DGKH: variants seen among roughly 807,000 people sequenced by gnomAD.
DGKH encodes the protein diacylglycerol kinase eta.
Under a neutral mutation model 159.3 loss-of-function variants are expected in DGKH, and 90 were observed. The observed-to-expected ratio is 0.57, with a 90% CI of 0.48 to 0.67. The LOEUF (loss-of-function observed/expected upper bound fraction) is 0.67, where lower values mean the gene tolerates loss of function less well. Ranked by LOEUF, DGKH falls within the 30% of genes least tolerant of loss-of-function variation. DGKH has a pLI of 0.00. For missense variants in DGKH, 1,181 were observed against 1,506.1 expected (o/e 0.78, Z 3.57); for synonymous variants, 536 against 553.8 (o/e 0.97, Z 0.45).
intron 3 of DGKH, among the ~76,000 whole-genome samples, chr13:42,135,441 G>A (rs1955381196): frequency 7.5e-6 from 1 of 132,986 alleles, no homozygotes; most frequent in South Asian, 2.5e-4. Context: ...AGTAAGCCAA[G>A]ATCGCACCAC....
intron 1 of DGKH, among the ~76,000 whole-genome samples, chr13:42,112,427 G>A (rs1954881032): frequency 6.6e-6 from 1 of 152,080 alleles, no homozygotes; most frequent in Non-Finnish European, 1.5e-5. Flanking sequence ...GACTACAAGA[G>A]TGAGCCACGA....
In DGKH at chr13:42,236,690, C is replaced by G. The variant is rs1958419124; in HGVS notation, c.*7502C>G. 1 of 152,114 alleles carries G rather than the reference C, an allele frequency of 6.6e-6. No homozygotes were observed. Among genetic ancestry groups the G allele is most frequent in the Non-Finnish European group, 1.5e-5 (1 of 68,056 alleles). 9.4% of individuals were successfully genotyped at this position (152,114 alleles called of 1,614,324 possible). ...CCTGTAATCCCAGCACTTTGGAAAG[C>G]CGAGGGAGGTAGATCACCTGAGGTC... On this transcript the variant is annotated 3_prime_UTR_variant, in exon 30 of 30. Coordinates refer to ENST00000337343, the MANE Select transcript of DGKH (RefSeq NM_178009.5).
intron 1 of DGKH, among the ~76,000 whole-genome samples, chr13:42,107,392 AGG>A (rs1476052985): frequency 6.6e-6 from 1 of 152,208 alleles, no homozygotes; most frequent in African/African-American, 2.4e-5. Context: ...ATGTTTCAAG[AGG>A]GTGAAGCTGT....
intron 1 of DGKH, among the ~76,000 whole-genome samples, chr13:42,099,200 G>T (rs9532998): frequency 0.15 from 22,202 of 152,108 alleles, 1,774 homozygotes; most frequent in South Asian, 0.18. Flanking sequence ...ATTTCATCCT[G>T]TCCTGCTTGT....
At chr13:42,150,205 A>T (rs1955841165) in intron 3 of DGKH, among the ~76,000 whole-genome samples, 1 of 151,560 alleles carries the variant, frequency 6.6e-6, no homozygotes, top group African/African-American at 2.4e-5. Flanking sequence ...CTTTCTTTCC[A>T]TATCTTAACC....
Position 42,215,687 on chromosome 13 carries a change from G to A in DGKH, c.3213+20G>A. 7 of 1,586,408 alleles carry A rather than the reference G, an allele frequency of 4.4e-6. No individual in the cohort carries two copies. The highest frequency in any genetic ancestry group is 6.0e-6 in the Non-Finnish European group (7 of 1,158,918). ...CCTTTGGTAAGGAAAAGAATGACTGGTAACATAAGAATGATGAATTAAATG... is the reference window on the plus strand; with the variant it reads ...CCTTTGGTAAGGAAAAGAATGACTGATAACATAAGAATGATGAATTAAATG... On this transcript the variant is annotated intron_variant, in intron 26 of 29. Coordinates refer to ENST00000337343, the MANE Select transcript of DGKH (RefSeq NM_178009.5).
intron 1 of DGKH, among the ~76,000 whole-genome samples, chr13:42,105,251 C>CAGAG (rs148615882): frequency 1.3e-5 from 2 of 149,154 alleles, no homozygotes; most frequent in African/African-American, 2.5e-5. Flanking sequence ...AAGAGAGGGC[C>CAGAG]AGAGAGAGAG....
chr13:42,220,373 G>A (rs1341666609), intron 28 of DGKH, among the ~76,000 whole-genome samples: 3 of 152,078 alleles, frequency 2.0e-5, no homozygotes, highest in South Asian at 2.1e-4. Flanking sequence ...CCCCCTCTTC[G>A]CTGCTATTTC....
chr13:42,056,447 A>G (rs1356800565), intron 1 of DGKH, among the ~76,000 whole-genome samples: 1 of 152,226 alleles, frequency 6.6e-6, no homozygotes, highest in East Asian at 1.9e-4. Context: ...TTTAAATACA[A>G]GCTTGGTGCA....
intron 1 of DGKH, among the ~76,000 whole-genome samples, chr13:42,060,442 G>T (rs527709275): frequency 1.3e-5 from 2 of 152,068 alleles, no homozygotes; most frequent in African/African-American, 4.8e-5. Context: ...TCCTGTAGGG[G>T]GTCCCCTAGC....
At position 42,071,037 on chromosome 13, in the gene DGKH, C is replaced by T. The variant is rs938832609; in HGVS notation, c.192+22072C>T. 3.9e-5 allele frequency: 49 copies of T among 1,252,934 alleles called. No individual in the cohort carries two copies. In the African/African-American group the frequency reaches 5.1e-4, roughly 13 times the overall value. 77.6% of individuals were successfully genotyped at this position (1,252,934 alleles called of 1,614,324 possible). ...AACCCAGTGGTTTTAAGTCCATATA[C>T]GTAGAATCCAGATCAAAACCATGAA... On this transcript the variant is annotated intron_variant, in intron 1 of 29. Transcript: ENST00000337343.
intron 23 of DGKH, among the ~76,000 whole-genome samples, chr13:42,209,668 G>A (rs1447999063): frequency 4.6e-5 from 7 of 152,054 alleles, no homozygotes; most frequent in Non-Finnish European, 8.8e-5. Context: ...AGAAAAACTG[G>A]GCAGAAAGTA....
intron 1 of DGKH, chr13:42,066,127 C>G (rs1019100219): frequency 6.6e-6 from 1 of 152,262 alleles, no homozygotes; most frequent in African/African-American, 2.4e-5. Context: ...CACTTCTGAG[C>G]TCAAGTGATC....
rs182679764 is a variant in DGKH at position 42,097,953 on chromosome 13, T to A, written c.193-29510T>A. On this transcript the variant is annotated intron_variant, in intron 1 of 29. Coordinates refer to ENST00000337343, the MANE Select transcript of DGKH (RefSeq NM_178009.5). ...TCAAGTGAGTTGATTTTCAACCCTA[T>A]ATCTGTCTTCTGGTTGTGCTAAGTC... Among the ~76,000 whole-genome samples the A allele has an allele frequency of 1.4e-4, 21 of 152,374 alleles. No homozygotes were observed. The East Asian group carries it at 3.5e-3, about 25-fold the overall frequency.
chr13:42,140,191 T>A (rs1955508084), intron 3 of DGKH, among the ~76,000 whole-genome samples: 1 of 152,204 alleles, frequency 6.6e-6, no homozygotes, highest in Non-Finnish European at 1.5e-5. Flanking sequence ...CTAGGTGGCC[T>A]TTAGCCTTTG....
Position 42,235,548 on chromosome 13 carries a change from G to T in DGKH, c.*6360G>T, listed in dbSNP as rs1048364639. Reference sequence around the variant, plus strand: ...CATATACAAACTAAAAAAGGAAAAAGAATATATTTTGTGGTCCTTAATGTT... The same window carrying T: ...CATATACAAACTAAAAAAGGAAAAATAATATATTTTGTGGTCCTTAATGTT... On this transcript the variant is annotated 3_prime_UTR_variant, in exon 30 of 30. Coordinates refer to ENST00000337343, the MANE Select transcript of DGKH (RefSeq NM_178009.5). The T allele has an allele frequency of 4.6e-5, 7 of 152,130 alleles. No individual in the cohort carries two copies. The highest frequency in any genetic ancestry group is 1.7e-4 in the African/African-American group (7 of 41,458). 9.4% of individuals were successfully genotyped at this position (152,130 alleles called of 1,614,324 possible). A position where few individuals can be genotyped will look rare whatever the true frequency, so the allele number is the denominator to read the frequency against.
In DGKH at chr13:42,149,319, C is replaced by T. The variant is rs78451557; in HGVS notation, c.385-5972C>T. Reference sequence around the variant, plus strand: ...GTTAGTTTCCCCTTCACTGTGTTCTCATTGCACCCCAGATGTTGAAAGCAT... The same window carrying T: ...GTTAGTTTCCCCTTCACTGTGTTCTTATTGCACCCCAGATGTTGAAAGCAT... On this transcript the variant is annotated intron_variant, in intron 3 of 29. Coordinates refer to ENST00000337343, the MANE Select transcript of DGKH (RefSeq NM_178009.5). Among the ~76,000 whole-genome samples the T allele has an allele frequency of 8.2e-3, 1,256 of 152,276 alleles. 19 individuals are homozygous for T. Among genetic ancestry groups the T allele is most frequent in the African/African-American group, 0.028 (1,173 of 41,548 alleles).
intron 24 of DGKH, among the ~76,000 whole-genome samples, chr13:42,212,040 G>A (rs888203704): frequency 2.6e-5 from 4 of 152,122 alleles, no homozygotes; most frequent in African/African-American, 7.2e-5. Context: ...CATATTGAGT[G>A]CTCTGTGTAT....
chr13:42,078,303 T>G (rs925107129), intron 1 of DGKH, among the ~76,000 whole-genome samples: 8 of 152,180 alleles, frequency 5.3e-5, no homozygotes, highest in African/African-American at 1.9e-4. Context: ...AAGTGTTAAG[T>G]TGCCATCTAG....
Sources: allele counts gnomAD v4.1 joint callset (sites outside exome capture counted in the v4.1 genomes callset), GRCh38; gene constraint gnomAD v4.1.1; transcripts MANE v1.5; gene names NCBI Gene and HGNC (gene_info 2026-07-23, HGNC 2026-07-21).